NRXN1: variants seen among roughly 807,000 people sequenced by gnomAD.
NRXN1 encodes the protein neurexin 1, also known as neurexin-1.
A neutral mutation model predicts 150.9 loss-of-function variants in NRXN1; 39 were observed. That is an observed-to-expected ratio of 0.26 (90% CI 0.20 to 0.34). The LOEUF is 0.34. NRXN1 is among the 10% of genes least tolerant of loss of function. NRXN1 has a pLI of 1.00. For missense variants in NRXN1, 1,815 were observed against 1,949.9 expected (o/e 0.93, Z 1.30); for synonymous variants, 924 against 757.0 (o/e 1.22, Z -3.62).
At chr2:50,487,024 AT>A (rs2090922514) in intron 15 of NRXN1, among the ~76,000 whole-genome samples, 1 of 152,182 alleles carries the variant, frequency 6.6e-6, no homozygotes, top group South Asian at 2.1e-4. Context: ...TAGTATTACT[AT>A]CATTATTGTT....
At chr2:50,136,615 A>C (rs1706448911) in intron 18 of NRXN1, among the ~76,000 whole-genome samples, 1 of 152,164 alleles carries the variant, frequency 6.6e-6, no homozygotes, top group Admixed American at 6.5e-5. Flanking sequence ...GGGATGTATT[A>C]TACATTGCTT....
At chr2:50,761,154 C>A (rs1701752951) in intron 5 of NRXN1, among the ~76,000 whole-genome samples, 1 of 151,626 alleles carries the variant, frequency 6.6e-6, no homozygotes, top group South Asian at 2.1e-4. Context: ...GGCTTTCTAG[C>A]CCCTTTTTGG....
intron 8 of NRXN1, among the ~76,000 whole-genome samples, chr2:50,611,931 C>G (rs1295619911): frequency 2.0e-5 from 3 of 152,176 alleles, no homozygotes; most frequent in African/African-American, 7.2e-5. Flanking sequence ...ATCTTCCCTT[C>G]TCTGACATCC....
At chr2:50,952,121 T>C (rs1377361895) in intron 2 of NRXN1, among the ~76,000 whole-genome samples, 2 of 150,788 alleles carry the variant, frequency 1.3e-5, no homozygotes, top group African/African-American at 4.9e-5. Context: ...CGCCTGCCAC[T>C]ACGCCCAGCT....
Position 50,506,628 on chromosome 2 carries a change from T to C in NRXN1, c.2375-11A>G. 6.2e-7 allele frequency: 1 copy of C among 1,612,470 alleles called. No homozygotes were observed. The highest frequency in any genetic ancestry group is 8.5e-7 in the Non-Finnish European group (1 of 1,179,060). On this transcript the variant is annotated splice_polypyrimidine_tract_variant and intron_variant, in intron 12 of 22. Transcript: ENST00000401669. ...TCTCGGGACCTTTGCCTGTAGAATA[T>C]GCCAAACAGTCATTATGGACACTCA...
At chr2:50,316,232 C>T (rs1303164996) in intron 17 of NRXN1, among the ~76,000 whole-genome samples, 1 of 151,948 alleles carries the variant, frequency 6.6e-6, no homozygotes, top group East Asian at 1.9e-4. Context: ...TAAAAATGAG[C>T]AGTGGAAGTC....
chr2:50,476,063 T>C (rs535889126), intron 15 of NRXN1, among the ~76,000 whole-genome samples: 1 of 152,210 alleles, frequency 6.6e-6, no homozygotes, highest in Admixed American at 6.5e-5. Context: ...TGATTTTTAA[T>C]TCATATGTTT....
At chr2:50,548,288 A>G (rs1432535844) in intron 9 of NRXN1, 1 of 152,108 alleles carries the variant, frequency 6.6e-6, no homozygotes, top group Non-Finnish European at 1.5e-5. Flanking sequence ...AAAACTTGTC[A>G]TTTTTGTACC....
At chr2:50,329,611 GTGTGTGTATATATA>G (rs2076638690) in intron 17 of NRXN1, among the ~76,000 whole-genome samples, 3 of 22,494 alleles carry the variant, frequency 1.3e-4, no homozygotes, top group African/African-American at 4.0e-4. Context: ...GTGTGTGTGT[GTGTGTGTATATATA>G]TATATATATA....
chr2:50,486,045 C>A (rs1399684612), intron 15 of NRXN1, among the ~76,000 whole-genome samples: 1 of 152,002 alleles, frequency 6.6e-6, no homozygotes, highest in Non-Finnish European at 1.5e-5. Context: ...TATATAATTA[C>A]CTTAACAGTG....
intron 21 of NRXN1, among the ~76,000 whole-genome samples, chr2:49,944,398 A>G (rs967761365): frequency 6.6e-6 from 1 of 152,184 alleles, no homozygotes; most frequent in Non-Finnish European, 1.5e-5. Context: ...TAATGTTCAG[A>G]TAGCAGGTAT....
intron 22 of NRXN1, among the ~76,000 whole-genome samples, chr2:49,924,044 T>C (rs947738498): frequency 3.9e-5 from 6 of 152,224 alleles, no homozygotes; most frequent in Non-Finnish European, 7.3e-5. Flanking sequence ...AGTAACTCTG[T>C]CACTACCTGA....
intron 17 of NRXN1, among the ~76,000 whole-genome samples, chr2:50,272,364 A>G (rs2069805166): frequency 1.3e-5 from 2 of 152,206 alleles, no homozygotes; most frequent in African/African-American, 4.8e-5. Flanking sequence ...GGAGAAACGT[A>G]GCTGACTGCT....
chr2:50,725,355 A>C (rs559712518), intron 5 of NRXN1, among the ~76,000 whole-genome samples: 42 of 151,778 alleles, frequency 2.8e-4, no homozygotes, highest in Admixed American at 1.5e-3. Flanking sequence ...AAAAAAAAAA[A>C]CCCACAAAAC....
chr2:50,069,557 T>C (rs1173259253), intron 19 of NRXN1, among the ~76,000 whole-genome samples: 1 of 152,218 alleles, frequency 6.6e-6, no homozygotes, highest in Non-Finnish European at 1.5e-5. Context: ...TGTTCTTTTC[T>C]TCATCTCTCT....
At chr2:50,485,633 C>G (rs190405830) in intron 15 of NRXN1, among the ~76,000 whole-genome samples, 1 of 152,190 alleles carries the variant, frequency 6.6e-6, no homozygotes, top group African/African-American at 2.4e-5. Context: ...CCTCGTGGGC[C>G]GAGATAGGCC....
At chr2:50,140,616 C>T (rs1707131095) in intron 18 of NRXN1, among the ~76,000 whole-genome samples, 1 of 151,858 alleles carries the variant, frequency 6.6e-6, no homozygotes, top group South Asian at 2.1e-4. Flanking sequence ...ATTCGATACT[C>T]TCCTACAGAA....
chr2:50,205,477 T>C lies in NRXN1; in HGVS notation c.3546+31312A>G, dbSNP rs548009032. Among the ~76,000 whole-genome samples the C allele has an allele frequency of 9.2e-5, 14 of 152,242 alleles. No individual in the cohort carries two copies. The South Asian group carries it at 2.9e-3, about 32-fold the overall frequency. The stretch of plus-strand genomic sequence containing the variant: ...TTCACGGTATTCTTCAAAGTTTGAA[T>C]ATACATTATAGTTCATTTGAATTCT... On this transcript the variant is annotated intron_variant, in intron 18 of 22. Transcript: ENST00000401669.
chr2:50,427,014 G>T (rs2084548951), intron 17 of NRXN1, among the ~76,000 whole-genome samples: 1 of 152,118 alleles, frequency 6.6e-6, no homozygotes, highest in African/African-American at 2.4e-5. Context: ...TGCCAAATTT[G>T]CTATGTCTTA....
Sources: gnomAD v4.1 joint callset for allele counts (sites outside exome capture counted in the v4.1 genomes callset) on GRCh38, gnomAD v4.1.1 for gene constraint, MANE v1.5 for transcripts, NCBI Gene and HGNC (gene_info 2026-07-23, HGNC 2026-07-21) for gene names.